AGBL1: variants seen among roughly 807,000 people sequenced by gnomAD.
AGBL1 encodes AGBL carboxypeptidase 1.
A neutral mutation model predicts 118.9 loss-of-function variants in AGBL1; 130 were observed. The observed-to-expected ratio is 1.09, with a 90% CI of 0.95 to 1.26. AGBL1 has a LOEUF of 1.26. AGBL1 is among the 50% of genes most tolerant of loss of function. The pLI, the probability that AGBL1 is intolerant of heterozygous loss-of-function variation, is 0.00. For synonymous variants in AGBL1, 555 were observed against 478.9 expected (o/e 1.16, Z -2.08); for missense variants, 1,584 against 1,298.1 (o/e 1.22, Z -3.38).
chr15:86,390,836 A>T (rs568683132), intron 17 of AGBL1, among the ~76,000 whole-genome samples: 214 of 151,580 alleles, frequency 1.4e-3, no homozygotes, highest in African/African-American at 4.9e-3. Context: ...TGCCCAGCAA[A>T]TTTTTGTATT....
chr15:86,747,181 C>G (rs1361482835), intron 22 of AGBL1, among the ~76,000 whole-genome samples: 3 of 152,114 alleles, frequency 2.0e-5, no homozygotes, highest in Admixed American at 1.3e-4. Flanking sequence ...GCTGCTTTTC[C>G]TTAGAAATCC....
chr15:86,248,289 C>T (rs2078754576), intron 7 of AGBL1, among the ~76,000 whole-genome samples: 1 of 152,178 alleles, frequency 6.6e-6, no homozygotes, highest in Non-Finnish European at 1.5e-5. Flanking sequence ...TGAACTCCAG[C>T]CTAGGTGACA....
At chr15:86,229,140 A>C (rs934753333) in intron 6 of AGBL1, among the ~76,000 whole-genome samples, 26 of 152,334 alleles carry the variant, frequency 1.7e-4, no homozygotes, top group Admixed American at 3.9e-4. Context: ...TTATTATTGC[A>C]GGAAATTTTT....
At chr15:86,769,914 C>T (rs1171467736) in intron 22 of AGBL1, among the ~76,000 whole-genome samples, 1 of 151,904 alleles carries the variant, frequency 6.6e-6, no homozygotes, top group Non-Finnish European at 1.5e-5. Flanking sequence ...TGACTGGGTT[C>T]TAGTGCATAT....
rs766934754 is a variant in AGBL1, at chr15:86,247,822, C to T, written c.678C>T (p.Ser226=). 9.9e-5 allele frequency: 159 copies of T among 1,613,848 alleles called. No homozygotes were observed. Among genetic ancestry groups the T allele is most frequent in the Admixed American group, 1.7e-4 (10 of 60,008 alleles). Reference sequence around the variant, plus strand: ...TCAGGCACATTGCTGCCCTCCGGTCCGGCAGGGAGGCCTTCCTGGCAGCAC... The same window carrying T: ...TCAGGCACATTGCTGCCCTCCGGTCTGGCAGGGAGGCCTTCCTGGCAGCAC... ...LCLRHIAALR[S]GREAFLAAQG... Residue 226 remains serine (S), a synonymous_variant, in exon 7 of 23, where the codon TCC becomes TCT. Transcript: ENST00000614907.
At chr15:86,772,254 G>C (rs2078192656) in intron 22 of AGBL1, among the ~76,000 whole-genome samples, 2 of 151,976 alleles carry the variant, frequency 1.3e-5, no homozygotes, top group South Asian at 4.1e-4. Flanking sequence ...ACTTGATTTA[G>C]TCCTCATTAC....
Position 86,235,129 on chromosome 15 carries a change from G to T in AGBL1, c.526+10178G>T, listed in dbSNP as rs73447676. Among the ~76,000 whole-genome samples, 722 of 152,244 alleles carry T rather than the reference G, an allele frequency of 4.7e-3. 7 individuals are homozygous for T. Among genetic ancestry groups the T allele is most frequent in the African/African-American group, 0.017 (694 of 41,534 alleles). ...AAAAACTTCATGAAAACGGGCTGTG[G>T]GCAATTTGCTGACCCCCTACTTTAG... On this transcript the variant is annotated intron_variant, in intron 6 of 22. Coordinates refer to ENST00000614907, the MANE Select transcript of AGBL1 (RefSeq NM_001386094.1).
At chr15:86,882,430 C>T (rs539999608) in intron 22 of AGBL1, among the ~76,000 whole-genome samples, 7 of 152,022 alleles carry the variant, frequency 4.6e-5, no homozygotes, top group South Asian at 4.2e-4. Context: ...AGTCACTACA[C>T]CATTTCTCCC....
intron 23 of AGBL1, among the ~76,000 whole-genome samples, chr15:86,971,696 G>C (rs1044483510): frequency 6.6e-6 from 1 of 151,866 alleles, no homozygotes; most frequent in African/African-American, 2.4e-5. Flanking sequence ...AAACATTGCA[G>C]CTCCCTCTCT....
At chr15:86,211,293 C>T (rs754312236) in intron 5 of AGBL1, among the ~76,000 whole-genome samples, 2 of 152,230 alleles carry the variant, frequency 1.3e-5, no homozygotes, top group Non-Finnish European at 2.9e-5. Flanking sequence ...ACACAGGGGT[C>T]AGGGATCCAC....
rs187237896 is a variant in AGBL1 at position 86,414,312 on chromosome 15, C to T, written c.2555+16766C>T. ...TCATGTAACCAAATTGCACTTGTAC[C>T]CCTTAAATTTATATTAAAAAGAGAG... On this transcript the variant is annotated intron_variant, in intron 18 of 22. Transcript: ENST00000614907. 3.2e-3 allele frequency among the ~76,000 whole-genome samples: 483 copies of T among 152,102 alleles called. 1 individual carries two copies. The highest frequency in any genetic ancestry group is 0.011 in the African/African-American group (456 of 41,506).
At chr15:86,585,087 G>T (rs577489544) in intron 21 of AGBL1, among the ~76,000 whole-genome samples, 1 of 152,274 alleles carries the variant, frequency 6.6e-6, no homozygotes, top group South Asian at 2.1e-4. Context: ...TTTTGGTGGA[G>T]TATTTAGGGT....
In AGBL1 at chr15:86,824,175, T is replaced by G. The variant is rs543766079; in HGVS notation, c.3159-82912T>G. 5.3e-5 allele frequency among the ~76,000 whole-genome samples: 8 copies of G among 152,138 alleles called. No individual in the cohort carries two copies. The East Asian group carries it at 1.5e-3, about 29-fold the overall frequency. On this transcript the variant is annotated intron_variant, in intron 22 of 22. Transcript: ENST00000614907. ...CACATAAGATTGTCTATGTAAAACATTCCATGGAATCTATCCTACCCAATA... is the reference window on the plus strand; with the variant it reads ...CACATAAGATTGTCTATGTAAAACAGTCCATGGAATCTATCCTACCCAATA...
At chr15:86,280,804 C>T (rs570153831) in intron 16 of AGBL1, among the ~76,000 whole-genome samples, 2 of 152,300 alleles carry the variant, frequency 1.3e-5, no homozygotes, top group Admixed American at 6.5e-5. Context: ...ACTTGGCTCA[C>T]TGCTTCATGA....
At chr15:86,439,491 G>A (rs1596116893) in intron 18 of AGBL1, among the ~76,000 whole-genome samples, 2 of 152,056 alleles carry the variant, frequency 1.3e-5, no homozygotes, top group Admixed American at 6.5e-5. Context: ...TAGAAACAAT[G>A]TTCATTTTTT....
intron 21 of AGBL1, among the ~76,000 whole-genome samples, chr15:86,561,036 GC>G (rs544032420): frequency 1.3e-5 from 2 of 152,140 alleles, no homozygotes; most frequent in South Asian, 4.2e-4. Flanking sequence ...CTGAATATTA[GC>G]CCTTTGTCAG....
At chr15:86,775,902 A>T (rs1399213070) in intron 22 of AGBL1, among the ~76,000 whole-genome samples, 2 of 152,158 alleles carry the variant, frequency 1.3e-5, no homozygotes, top group Non-Finnish European at 2.9e-5. Flanking sequence ...TTTCCATTTC[A>T]TCATCCTTAA....
rs534669568 is a variant in AGBL1, at chr15:86,272,846, T to C, written c.2075+1140T>C. Among the ~76,000 whole-genome samples the C allele has an allele frequency of 3.3e-5, 5 of 152,350 alleles. No individual in the cohort carries two copies. The East Asian group carries it at 7.7e-4, about 24-fold the overall frequency. On this transcript the variant is annotated intron_variant, in intron 15 of 22. Transcript: ENST00000614907. ...GAAAAATTGCACAATATTATGACTT[T>C]GTTGGTTTTCCATTCACCTAAATGG...
chr15:86,677,694 C>G (rs1489037288), intron 22 of AGBL1, among the ~76,000 whole-genome samples: 1 of 152,124 alleles, frequency 6.6e-6, no homozygotes, highest in Non-Finnish European at 1.5e-5. Flanking sequence ...CTCCCGTGTT[C>G]TCCGAAATTA....
Sources: allele counts gnomAD v4.1 joint callset (sites outside exome capture counted in the v4.1 genomes callset), GRCh38; gene constraint gnomAD v4.1.1; transcripts MANE v1.5; gene names NCBI Gene and HGNC (gene_info 2026-07-23, HGNC 2026-07-21).